The following WDFY4 variants were observed in gnomAD, a reference collection of about 807,000 sequenced individuals.
WDFY4 encodes the protein WD repeat- and FYVE domain-containing protein 4.
Under a neutral mutation model 351.9 loss-of-function variants are expected in WDFY4, and 169 were observed. That is an observed-to-expected ratio of 0.48 (90% CI 0.42 to 0.55). WDFY4 has a LOEUF of 0.55. WDFY4 is among the 20% of genes least tolerant of loss of function. The pLI, the probability that WDFY4 is intolerant of heterozygous loss-of-function variation, is 0.00. For missense variants in WDFY4, 3,803 were observed against 3,935.6 expected, an observed-to-expected ratio of 0.97 and a Z score of 0.90; for synonymous variants, 1,622 against 1,574.6, an observed-to-expected ratio of 1.03 and a Z score of -0.71.
rs891335327 is a variant in WDFY4 at position 48,822,535 on chromosome 10, G to A, written c.5980G>A (p.Val1994Met). Residue 1994 changes from valine (V) to methionine (M), a missense_variant and splice_region_variant, in exon 35 of 62, where the codon GTG (valine) becomes ATG (methionine). By Grantham distance (21) the Val-to-Met change is conservative. This residue lies in a region of WDFY4 where 3,054 missense variants were observed against 3,148.6 expected (regional missense o/e 0.97). Transcript: ENST00000325239. ...CCTCTTCATCCTGGAGCACATCATGGTGGTAAGAGCTGCTCACTGACCGGG... is the reference window on the plus strand; with the variant it reads ...CCTCTTCATCCTGGAGCACATCATGATGGTAAGAGCTGCTCACTGACCGGG... ...ILLFILEHIMVVIETASSQRD... is the reference protein window; with the variant it reads ...ILLFILEHIMMVIETASSQRD... 6 of 1,540,352 alleles carry A rather than the reference G, an allele frequency of 3.9e-6. No individual in the cohort carries two copies. The highest frequency in any genetic ancestry group is 2.4e-5 in the South Asian group (2 of 81,822).
At chr10:48,952,680 A>C (rs1039316186) in intron 51 of WDFY4, among the ~76,000 whole-genome samples, 2 of 151,736 alleles carry the variant, frequency 1.3e-5, no homozygotes, top group Admixed American at 1.3e-4. Flanking sequence ...TCCTCCTCCT[A>C]ATGCAGGCAG....
intron 22 of WDFY4, among the ~76,000 whole-genome samples, 200 bp downstream of exon 22, chr10:48,790,185 G>T (rs902891615): frequency 6.6e-6 from 1 of 152,256 alleles, no homozygotes; most frequent in Non-Finnish European, 1.5e-5. Context: ...CTGGCCACAT[G>T]TGGCAATCAG....
In WDFY4 at chr10:48,976,829, G is replaced by T; in HGVS notation, c.9141G>T (p.Leu3047Phe). 2.0e-6 allele frequency: 3 copies of T among 1,509,942 alleles called. No homozygotes were observed. Among genetic ancestry groups the T allele is most frequent in the Non-Finnish European group, 2.7e-6 (3 of 1,123,982 alleles). 93.5% of individuals were successfully genotyped at this position (1,509,942 alleles called of 1,614,324 possible). A position where few individuals can be genotyped will look rare whatever the true frequency, so the allele number is the denominator to read the frequency against. ...TTGTCTCCTGTGCGGGAGCACACTTGTCCCTGTGGAATGTCAATGGACAGC... is the reference window on the plus strand; with the variant it reads ...TTGTCTCCTGTGCGGGAGCACACTTTTCCCTGTGGAATGTCAATGGACAGC... ...GTIVSCAGAH[L>F]SLWNVNGQPL... The change falls in exon 59 of 62, where the codon TTG becomes TTT. Residue 3047 changes from leucine (L) to phenylalanine (F), a missense_variant. Leu to Phe is a conservative substitution (Grantham distance 22). Coordinates refer to ENST00000325239, the MANE Select transcript of WDFY4 (RefSeq NM_001394531.1).
intron 3 of WDFY4, among the ~76,000 whole-genome samples, chr10:48,720,396 GAC>G (rs1378561312): frequency 1.3e-5 from 2 of 151,928 alleles, no homozygotes; most frequent in African/African-American, 2.4e-5. Flanking sequence ...GACACACATA[GAC>G]ACACTACACA....
chr10:48,971,041 A>T (rs907998265), intron 57 of WDFY4, among the ~76,000 whole-genome samples: 9 of 152,328 alleles, frequency 5.9e-5, no homozygotes, highest in Admixed American at 2.6e-4. Context: ...GGCTCAGAAC[A>T]GCTTGCATTT....
intron 12 of WDFY4, among the ~76,000 whole-genome samples, chr10:48,751,908 C>T (rs566739186): frequency 2.6e-5 from 4 of 152,180 alleles, no homozygotes; most frequent in Middle Eastern, 3.2e-3. Flanking sequence ...CACTGGTTCA[C>T]GTCCTGCAAA....
chr10:48,934,926 C>T (rs1441564736), intron 47 of WDFY4, among the ~76,000 whole-genome samples: 1 of 152,160 alleles, frequency 6.6e-6, no homozygotes, highest in East Asian at 1.9e-4. Context: ...TGTGCCCTGG[C>T]CCCCGAGGAT....
At chr10:48,853,854 C>A (rs1381521521) in intron 39 of WDFY4, among the ~76,000 whole-genome samples, 1 of 152,142 alleles carries the variant, frequency 6.6e-6, no homozygotes, top group African/African-American at 2.4e-5. Context: ...GTTCGTTAGG[C>A]TCTACAAAGC....
chr10:48,895,071 G>A (rs1026064737), intron 44 of WDFY4, among the ~76,000 whole-genome samples: 4 of 152,200 alleles, frequency 2.6e-5, no homozygotes, highest in African/African-American at 9.7e-5. Flanking sequence ...TTCTGAGAAG[G>A]GTCTGCAGAG....
intron 47 of WDFY4, among the ~76,000 whole-genome samples, chr10:48,930,555 C>T (rs1038986005): frequency 3.9e-5 from 6 of 152,112 alleles, no homozygotes; most frequent in Non-Finnish European, 7.3e-5. Context: ...AGCAAGGAAA[C>T]GGCTGGTACT....
At chr10:48,903,742 G>A (rs115778605) in intron 47 of WDFY4, among the ~76,000 whole-genome samples, 4,812 of 152,274 alleles carry the variant, frequency 0.032, 242 homozygotes, top group African/African-American at 0.11. Flanking sequence ...ACATCTCAAA[G>A]ACATCATGGA....
intron 43 of WDFY4, among the ~76,000 whole-genome samples, chr10:48,882,184 TG>T (rs1462321202): frequency 6.6e-6 from 1 of 151,888 alleles, no homozygotes; most frequent in Non-Finnish European, 1.5e-5. Context: ...GGGCATGCCC[TG>T]GGGGAACCTG....
intron 5 of WDFY4, 93 bp downstream of exon 5, chr10:48,723,660 C>A: frequency 1.3e-6 from 2 of 1,496,556 alleles, no homozygotes; most frequent in Middle Eastern, 2.2e-4. Context: ...TTGTCTTTCT[C>A]AGCCCTGGTT....
At chr10:48,782,835 G>A (rs553915734) in intron 19 of WDFY4, among the ~76,000 whole-genome samples, 4 of 152,322 alleles carry the variant, frequency 2.6e-5, no homozygotes, top group African/African-American at 7.2e-5. Context: ...ATTTGGGAAC[G>A]ATATGAGACA....
chr10:48,853,622 G>A (rs879884467), intron 39 of WDFY4, among the ~76,000 whole-genome samples: 14 of 152,110 alleles, frequency 9.2e-5, no homozygotes, highest in Non-Finnish European at 1.6e-4. Context: ...GTTGGTATAA[G>A]GTATCAAAAA....
At chr10:48,779,301 C>T (rs1486048504) in intron 18 of WDFY4, among the ~76,000 whole-genome samples, 2 of 152,354 alleles carry the variant, frequency 1.3e-5, no homozygotes, top group East Asian at 3.9e-4. Context: ...GCATGGCGCC[C>T]AGGGCCACCC....
chr10:48,974,016 C>T (rs1256053636), intron 57 of WDFY4, among the ~76,000 whole-genome samples: 6 of 152,150 alleles, frequency 3.9e-5, no homozygotes, highest in Non-Finnish European at 1.5e-5. Flanking sequence ...CGAGATGGCT[C>T]TCAAAGTTGG....
At chr10:48,837,791 T>A (rs2068454157) in intron 39 of WDFY4, among the ~76,000 whole-genome samples, 1 of 152,140 alleles carries the variant, frequency 6.6e-6, no homozygotes, top group Non-Finnish European at 1.5e-5. Flanking sequence ...GCCCCCGACC[T>A]GTGTACATAG....
intron 12 of WDFY4, among the ~76,000 whole-genome samples, chr10:48,748,107 C>G (rs2065068293): frequency 6.6e-6 from 1 of 152,152 alleles, no homozygotes; most frequent in Non-Finnish European, 1.5e-5. Context: ...GCCTGGGCAC[C>G]CTGATAACAT....
Sources: gnomAD v4.1 joint callset for allele counts (sites outside exome capture counted in the v4.1 genomes callset) on GRCh38, gnomAD v4.1.1 for gene constraint, gnomAD v4.1.1 regional missense constraint, MANE v1.5 for transcripts, NCBI Gene and HGNC (gene_info 2026-07-23, HGNC 2026-07-21) for gene names.